The following NPAS3 variants were observed in gnomAD, a reference collection of about 807,000 sequenced individuals.
NPAS3 encodes the protein neuronal PAS domain protein 3, also known as neuronal PAS domain-containing protein 3.
In NPAS3, 14 loss-of-function variants were observed where a neutral mutation model predicts 73.1. That is an observed-to-expected ratio of 0.19 (90% CI 0.13 to 0.30). NPAS3 has a LOEUF of 0.30. Ranked by LOEUF, NPAS3 falls within the 10% of genes least tolerant of loss-of-function variation. The pLI, the probability that NPAS3 is intolerant of heterozygous loss-of-function variation, is 1.00. For synonymous variants in NPAS3, 620 were observed against 541.5 expected, an observed-to-expected ratio of 1.14 and a Z score of -2.01; for missense variants, 1,096 against 1,250.0, an observed-to-expected ratio of 0.88 and a Z score of 1.86.
At chr14:33,198,981 G>A (rs1400740958) in intron 2 of NPAS3, among the ~76,000 whole-genome samples, 2 of 152,200 alleles carry the variant, frequency 1.3e-5, no homozygotes, top group African/African-American at 4.8e-5. Context: ...TGGCCCAGAT[G>A]CTAAGCCCCA....
At chr14:33,302,527 A>G (rs1028161513) in intron 3 of NPAS3, among the ~76,000 whole-genome samples, 1 of 152,226 alleles carries the variant, frequency 6.6e-6, no homozygotes, top group African/African-American at 2.4e-5. Context: ...GTCGTTGATG[A>G]AAGAAACTGA....
intron 1 of NPAS3, among the ~76,000 whole-genome samples, chr14:32,993,494 G>A (rs927397263): frequency 6.6e-6 from 1 of 152,248 alleles, no homozygotes. Context: ...GAGAAATTGA[G>A]GAGAAAATTA....
At position 33,663,393 on chromosome 14, in the gene NPAS3, G is replaced by C. The variant is rs577562610; in HGVS notation, c.559-12818G>C. Among the ~76,000 whole-genome samples the C allele has an allele frequency of 2.0e-5, 3 of 152,166 alleles. No homozygotes were observed. In the South Asian group the frequency reaches 6.3e-4, roughly 32 times the overall value. ...TTATTGATTTGCGTATGTTGAACCA[G>C]CCTTGCATCCCAGGGATGAAGCCAA... On this transcript the variant is annotated intron_variant, in intron 5 of 11. Transcript: ENST00000356141.
chr14:33,589,125 T>C (rs559027538), intron 5 of NPAS3, among the ~76,000 whole-genome samples: 30 of 152,346 alleles, frequency 2.0e-4, no homozygotes, highest in Middle Eastern at 3.4e-3. Flanking sequence ...TATTGAAATA[T>C]CTTTCAGTTT....
At chr14:33,298,157 C>A (rs2042380816) in intron 3 of NPAS3, among the ~76,000 whole-genome samples, 1 of 152,102 alleles carries the variant, frequency 6.6e-6, no homozygotes, top group South Asian at 2.1e-4. Context: ...GTGGTACATG[C>A]CTGTAATCCC....
chr14:33,258,980 A>AT (rs1260425839), intron 3 of NPAS3, among the ~76,000 whole-genome samples: 2 of 151,998 alleles, frequency 1.3e-5, no homozygotes, highest in African/African-American at 4.8e-5. Flanking sequence ...TGCCCAGCTA[A>AT]TTTTTTGTAT....
intron 2 of NPAS3, among the ~76,000 whole-genome samples, chr14:33,154,649 G>GA (rs1241872950): frequency 1.3e-5 from 2 of 152,094 alleles, no homozygotes; most frequent in Non-Finnish European, 2.9e-5. Flanking sequence ...TAAATACTGG[G>GA]AAAAAATACA....
At chr14:33,301,303 T>C (rs2042521603) in intron 3 of NPAS3, among the ~76,000 whole-genome samples, 1 of 107,928 alleles carries the variant, frequency 9.3e-6, no homozygotes, top group South Asian at 2.8e-4. Context: ...CTAGGTTTTA[T>C]CATTATATAT....
At chr14:33,683,447 AAAAAG>A in intron 6 of NPAS3, among the ~76,000 whole-genome samples, 1 of 151,356 alleles carries the variant, frequency 6.6e-6, no homozygotes, top group East Asian at 1.9e-4. Context: ...AAAAAAAAAA[AAAAAG>A]GTGGCCGTCT....
intron 2 of NPAS3, among the ~76,000 whole-genome samples, chr14:33,144,049 G>A (rs1263240394): frequency 1.3e-5 from 2 of 152,156 alleles, no homozygotes; most frequent in Non-Finnish European, 2.9e-5. Flanking sequence ...TTGAGTATCT[G>A]TTCTCAGTTC....
At chr14:32,963,394 A>G (rs2037012421) in intron 1 of NPAS3, among the ~76,000 whole-genome samples, 1 of 152,218 alleles carries the variant, frequency 6.6e-6, no homozygotes, top group Non-Finnish European at 1.5e-5. Flanking sequence ...AAAGCAAATC[A>G]TGGGGGAAAA....
At chr14:33,641,531 G>A (rs2058675068) in intron 5 of NPAS3, among the ~76,000 whole-genome samples, 1 of 152,108 alleles carries the variant, frequency 6.6e-6, no homozygotes, top group Non-Finnish European at 1.5e-5. Flanking sequence ...AGGGGCTAGG[G>A]GGTGATTCTT....
chr14:33,583,145 G>T (rs559337606), intron 5 of NPAS3: 1 of 152,012 alleles, frequency 6.6e-6, no homozygotes, highest in Non-Finnish European at 1.5e-5. Context: ...ACTATTGAGG[G>T]TTGGGGGGTT....
chr14:33,666,947 C>G (rs2059467738), intron 5 of NPAS3, among the ~76,000 whole-genome samples: 1 of 152,162 alleles, frequency 6.6e-6, no homozygotes, highest in Non-Finnish European at 1.5e-5. Context: ...TCTAGAGCAT[C>G]ACTGTTCAAC....
At chr14:33,689,328 G>A (rs2060171746) in intron 6 of NPAS3, among the ~76,000 whole-genome samples, 1 of 152,178 alleles carries the variant, frequency 6.6e-6, no homozygotes, top group African/African-American at 2.4e-5. Context: ...AGTATAATGA[G>A]TTTAATACAT....
intron 5 of NPAS3, among the ~76,000 whole-genome samples, chr14:33,663,580 G>T (rs144098500): frequency 8.1e-4 from 123 of 152,036 alleles, no homozygotes; most frequent in African/African-American, 2.9e-3. Context: ...TTAGGGAGGA[G>T]TCTCTCTTTC....
intron 4 of NPAS3, among the ~76,000 whole-genome samples, chr14:33,481,428 G>T (rs550017576): frequency 1.3e-5 from 2 of 152,276 alleles, no homozygotes; most frequent in African/African-American, 4.8e-5. Flanking sequence ...ATTAGAGTTT[G>T]TGTCTTTGAC....
intron 3 of NPAS3, among the ~76,000 whole-genome samples, chr14:33,256,694 T>G (rs560885941): frequency 1.3e-5 from 2 of 152,360 alleles, no homozygotes; most frequent in Admixed American, 1.3e-4. Context: ...TAACTGTATT[T>G]CCTTCTGTTG....
chr14:33,567,026 T>C (rs140436893), intron 5 of NPAS3, among the ~76,000 whole-genome samples: 2 of 152,172 alleles, frequency 1.3e-5, no homozygotes, highest in African/African-American at 4.8e-5. Flanking sequence ...TAATCGACAA[T>C]TTTTTTACGC....
Sources: allele counts gnomAD v4.1 joint callset (sites outside exome capture counted in the v4.1 genomes callset), GRCh38; gene constraint gnomAD v4.1.1; transcripts MANE v1.5; gene names NCBI Gene and HGNC (gene_info 2026-07-23, HGNC 2026-07-21).